SPG7: variants seen among roughly 807,000 people sequenced by gnomAD.
SPG7 encodes the protein SPG7 matrix AAA peptidase subunit, paraplegin, also known as mitochondrial inner membrane m-AAA protease component paraplegin.
SPG7 carries 103 observed loss-of-function variants against 81.9 expected under a neutral mutation model. The ratio of observed to expected loss-of-function variants is 1.26; its 90% CI spans 1.07 to 1.48. SPG7 has a LOEUF of 1.48. Ranked by LOEUF, SPG7 falls within the 40% of genes most tolerant of loss-of-function variation. SPG7 has a pLI of 0.00. For missense variants in SPG7, 1,241 were observed against 1,087.3 expected (o/e 1.14, Z -1.99); for synonymous variants, 534 against 444.2 (o/e 1.20, Z -2.54).
chr16:89,512,746 GT>G (rs1273590089), intron 2 of SPG7, among the ~76,000 whole-genome samples: 4 of 152,216 alleles, frequency 2.6e-5, no homozygotes, highest in Non-Finnish European at 4.4e-5. Context: ...AGTTAAAATA[GT>G]TTATTATTTT....
intron 9 of SPG7, chr16:89,537,593 A>G: frequency 1.1e-6 from 1 of 951,242 alleles, no homozygotes; most frequent in Non-Finnish European, 1.3e-6. Flanking sequence ...GTGCAGTGCC[A>G]CCATCATAGC....
At position 89,529,544 on chromosome 16, in the gene SPG7, G is replaced by A. The variant is rs771694289; in HGVS notation, c.826G>A (p.Gly276Arg). 23 of 1,613,770 alleles carry A rather than the reference G, an allele frequency of 1.4e-5. No homozygotes were observed. The highest frequency in any genetic ancestry group is 1.6e-4 in the Middle Eastern group (1 of 6,080). ...AILWYVFRLA[G>R]MTGREGGFSA... Reference sequence around the variant, plus strand: ...CCTGTGGTATGTTTTCCGTCTGGCCGGGATGACTGGAAGGGAAGGTGGATT... The same window carrying A: ...CCTGTGGTATGTTTTCCGTCTGGCCAGGATGACTGGAAGGGAAGGTGGATT... The change falls in exon 6 of 17, where the codon GGG becomes AGG. Residue 276 changes from glycine (G) to arginine (R), a missense_variant. Transcript: ENST00000645818.
chr16:89,510,678 G>A, intron 2 of SPG7, 86 bp downstream of exon 2: 1 of 847,794 alleles, frequency 1.2e-6, no homozygotes. Context: ...TTTTATTTTA[G>A]AGACGGGATC....
intron 9 of SPG7, 167 bp downstream of exon 9, chr16:89,532,803 A>G: frequency 1.2e-6 from 1 of 844,132 alleles, no homozygotes; most frequent in Non-Finnish European, 1.9e-6. Flanking sequence ...TAGCTTTCAG[A>G]CCCGGCGCAG....
intron 15 of SPG7, 90 bp downstream of exon 15, chr16:89,554,050 C>A (rs2058664056): frequency 1.4e-6 from 2 of 1,425,456 alleles, no homozygotes; most frequent in South Asian, 1.2e-5. Context: ...CACGGCCGCC[C>A]CAGCGGAGCT....
chr16:89,533,004 A>C (rs892719019), intron 9 of SPG7: 1 of 272,658 alleles, frequency 3.7e-6, no homozygotes, highest in Non-Finnish European at 7.0e-6. Context: ...CGGGAGGTGG[A>C]GGTTGCAGTG....
rs750901443 is a variant in SPG7 at position 89,530,818 on chromosome 16, G to T, written c.987+10G>T. On this transcript the variant is annotated intron_variant, in intron 7 of 16. Coordinates refer to ENST00000645818, the MANE Select transcript of SPG7 (RefSeq NM_003119.4). ...TGTGGATTATCTGAAGGTGAAAGCA[G>T]CGTGGGCCGGGAGGGAGGTGTGAGC... 6.2e-7 allele frequency: 1 copy of T among 1,613,894 alleles called. No homozygotes were observed. The highest frequency in any genetic ancestry group is 8.5e-7 in the Non-Finnish European group (1 of 1,180,010).
chr16:89,557,041 A>G lies in SPG7; in HGVS notation c.2336A>G (p.Glu779Gly). Residue 779 changes from glutamate to glycine, a missense_variant, in exon 17 of 17, where the codon GAA (glutamate) becomes GGA (glycine). Transcript: ENST00000645818. Reference sequence around the variant, plus strand: ...CAGGACTTGGGCGAGGAGGAGACCGAAGAGACCCAGCAGCCTCCACTTGGA... The same window carrying G: ...CAGGACTTGGGCGAGGAGGAGACCGGAGAGACCCAGCAGCCTCCACTTGGA... Reference protein sequence around the residue: ...EKQDLGEEETEETQQPPLGGE... With the variant: ...EKQDLGEEETGETQQPPLGGE... 1.2e-6 allele frequency: 2 copies of G among 1,612,814 alleles called. No homozygotes were observed. Among genetic ancestry groups the G allele is most frequent in the Non-Finnish European group, 1.7e-6 (2 of 1,180,034 alleles).
rs916158062 is a variant in SPG7 at position 89,553,163 on chromosome 16, G to A, written c.1936+28G>A. 14 of 1,573,062 alleles carry A rather than the reference G, an allele frequency of 8.9e-6. No individual in the cohort carries two copies. The South Asian group carries it at 1.3e-4, about 14-fold the overall frequency. ...GAGGAGCAGCGGCGCGGGCCCTGGA[G>A]GTTTCAGAGCGCTTTTCCCTGCATG... is the stretch of plus-strand genomic sequence containing the variant. On this transcript the variant is annotated intron_variant, in intron 14 of 16. Coordinates refer to ENST00000645818, the MANE Select transcript of SPG7 (RefSeq NM_003119.4).
intron 10 of SPG7, chr16:89,545,987 G>A (rs1053849987): frequency 3.1e-5 from 13 of 421,516 alleles, no homozygotes; most frequent in African/African-American, 1.2e-4. Flanking sequence ...GGCGTGCGCC[G>A]CCGTGCTGGT....
intron 1 of SPG7, among the ~76,000 whole-genome samples, chr16:89,509,390 A>C (rs941694691): frequency 6.6e-6 from 1 of 151,980 alleles, no homozygotes; most frequent in Non-Finnish European, 1.5e-5. Context: ...AGCTGGGATT[A>C]CGGGTGCGCG....
At chr16:89,516,019 C>T (rs575623566) in intron 3 of SPG7, among the ~76,000 whole-genome samples, 1 of 150,404 alleles carries the variant, frequency 6.6e-6, no homozygotes, top group African/African-American at 2.4e-5. Flanking sequence ...TGGAGTTTCA[C>T]TCTTGTTTCC....
At chr16:89,514,766 A>G (rs1264209212) in intron 3 of SPG7, among the ~76,000 whole-genome samples, 2 of 150,566 alleles carry the variant, frequency 1.3e-5, no homozygotes, top group Admixed American at 1.3e-4. Context: ...CCAAAGTTCT[A>G]GGATTACAGG....
intron 5 of SPG7, 88 bp downstream of exon 5, chr16:89,526,556 T>G: frequency 6.8e-7 from 1 of 1,480,460 alleles, no homozygotes; most frequent in Non-Finnish European, 9.4e-7. Context: ...AATCTCAAAC[T>G]GTCTTTGCCT....
At chr16:89,510,703 G>C (rs1012193508) in intron 2 of SPG7, 111 bp downstream of exon 2, 2 of 727,968 alleles carry the variant, frequency 2.7e-6, no homozygotes, top group Non-Finnish European at 4.9e-6. Flanking sequence ...CCTGTTGCAC[G>C]GGCTGGAGTG....
intron 3 of SPG7, chr16:89,520,806 A>G (rs1454983847): frequency 1.3e-5 from 2 of 152,116 alleles, no homozygotes; most frequent in Non-Finnish European, 2.9e-5. Flanking sequence ...TCGACTCCCA[A>G]AGTGCTGGGA....
intron 13 of SPG7, 154 bp from the exon 14 acceptor site, chr16:89,552,825 G>A (rs1052437553): frequency 2.8e-6 from 2 of 722,048 alleles, no homozygotes; most frequent in Non-Finnish European, 4.9e-6. Context: ...TGGCCATCTA[G>A]AGTGTTAGGA....
chr16:89,553,224 C>G, intron 14 of SPG7, 89 bp downstream of exon 14: 1 of 1,266,754 alleles, frequency 7.9e-7, no homozygotes, highest in Non-Finnish European at 1.1e-6. Flanking sequence ...TGGGGTGAAT[C>G]TGGTGTAGAC....
At chr16:89,553,717 G>C (rs1238643112) in intron 14 of SPG7, 77 bp from the exon 15 acceptor site, 2 of 1,469,950 alleles carry the variant, frequency 1.4e-6, no homozygotes, top group African/African-American at 2.8e-5. Context: ...TCAGTGCTCT[G>C]ACCGGGACAC....
Sources: allele counts gnomAD v4.1 joint callset (sites outside exome capture counted in the v4.1 genomes callset), GRCh38; gene constraint gnomAD v4.1.1; transcripts MANE v1.5; gene names NCBI Gene and HGNC (gene_info 2026-07-23, HGNC 2026-07-21).